Variants in ROS1 observed in about 807,000 individuals in gnomAD.
The protein encoded by ROS1 is proto-oncogene tyrosine-protein kinase ROS.
ROS1 carries 263 observed loss-of-function variants against 273.5 expected under a neutral mutation model. The observed-to-expected ratio is 0.96, with a 90% CI of 0.87 to 1.06. The LOEUF is 1.06. Ranked by LOEUF, ROS1 falls within the 50% of genes least tolerant of loss-of-function variation. The pLI is 0.00. For synonymous variants in ROS1, 1,008 were observed against 954.1 expected (o/e 1.06, Z -1.04); for missense variants, 2,833 against 2,751.1 (o/e 1.03, Z -0.67).
intron 27 of ROS1, among the ~76,000 whole-genome samples, chr6:117,346,679 C>A (rs1482423485): frequency 6.6e-6 from 1 of 152,014 alleles, no homozygotes; most frequent in Non-Finnish European, 1.5e-5. Context: ...ACATGCATAA[C>A]TTTCCCCCAT....
intron 7 of ROS1, among the ~76,000 whole-genome samples, chr6:117,398,970 TA>T (rs75429700): frequency 0.015 from 2,078 of 134,368 alleles, 25 homozygotes; most frequent in African/African-American, 0.036. Flanking sequence ...GACTCTGTCT[TA>T]AAAAAAAAAA....
At chr6:117,372,507 C>T (rs535019459) in intron 18 of ROS1, among the ~76,000 whole-genome samples, 1 of 152,234 alleles carries the variant, frequency 6.6e-6, no homozygotes, top group South Asian at 2.1e-4. Flanking sequence ...TCGTGGTGAG[C>T]GTTACAGTTC....
chr6:117,341,386 T>G lies in ROS1; in HGVS notation c.4884+14A>C. The G allele has an allele frequency of 3.1e-6, 5 of 1,611,766 alleles. No homozygotes were observed. The highest frequency in any genetic ancestry group is 4.2e-6 in the Non-Finnish European group (5 of 1,177,950). Reference sequence around the variant, plus strand: ...GAGAATGACAATAAAGAGTGCCTAGTAAACTCACTGTACCTTTAACACATA... The same window carrying G: ...GAGAATGACAATAAAGAGTGCCTAGGAAACTCACTGTACCTTTAACACATA... On this transcript the variant is annotated intron_variant, in intron 30 of 43. Coordinates refer to ENST00000368507, the MANE Select transcript of ROS1 (RefSeq NM_001378902.1).
chr6:117,341,526 A>G lies in ROS1; in HGVS notation c.4758T>C (p.Arg1586=), dbSNP rs1777924725. The change falls in exon 30 of 44, where the codon CGT becomes CGC. Residue 1586 remains arginine, a synonymous_variant. Coordinates refer to ENST00000368507, the MANE Select transcript of ROS1 (RefSeq NM_001378902.1). Reference sequence around the variant, plus strand: ...CCAGGTGTGAGATTGCCAACTGATAACGGACTGATTCTTTAGGTCCATTTG... The same window carrying G: ...CCAGGTGTGAGATTGCCAACTGATAGCGGACTGATTCTTTAGGTCCATTTG... ...HKPNGPKESV[R]YQLAISHLAL... 1.2e-6 allele frequency: 2 copies of G among 1,613,770 alleles called. No individual in the cohort carries two copies. Among genetic ancestry groups the G allele is most frequent in the East Asian group, 4.5e-5 (2 of 44,876 alleles).
chr6:117,396,244 T>G lies in ROS1; in HGVS notation c.827A>C (p.Asn276Thr), dbSNP rs780565452. The change falls in exon 9 of 44, where the codon AAT (asparagine) becomes ACT (threonine). Residue 276 changes from asparagine (N) to threonine (T), a missense_variant. Transcript: ENST00000368507. ...TGCTTCTGGACCCTCACCAACTTCA[T>G]TTACTGCTGCAATAGAAAACCTATT... ...TIYRFSIAAVNEVGEGPEAES... is the reference protein window; with the variant it reads ...TIYRFSIAAVTEVGEGPEAES... The G allele has an allele frequency of 7.3e-5, 118 of 1,613,440 alleles. 1 individual carries two copies. In the South Asian group the frequency reaches 1.2e-3, roughly 17 times the overall value.
chr6:117,308,771 A>C (rs1448163003), intron 42 of ROS1, 23 bp downstream of exon 42: 4 of 1,608,928 alleles, frequency 2.5e-6, no homozygotes, highest in Non-Finnish European at 3.4e-6. Context: ...TGGGGGATAC[A>C]TATGTTAACA....
At chr6:117,312,260 T>C (rs527281010) in intron 39 of ROS1, among the ~76,000 whole-genome samples, 23 of 152,246 alleles carry the variant, frequency 1.5e-4, no homozygotes, top group African/African-American at 5.5e-4. Context: ...GTATCTCAAA[T>C]GATTCCAAAC....
intron 27 of ROS1, among the ~76,000 whole-genome samples, chr6:117,346,441 C>T (rs536923812): frequency 6.6e-5 from 10 of 151,768 alleles, no homozygotes; most frequent in Non-Finnish European, 1.5e-4. Context: ...TAATCATACT[C>T]TTAATGAGTT....
chr6:117,369,097 A>G (rs1259343400), intron 18 of ROS1, among the ~76,000 whole-genome samples: 2 of 152,164 alleles, frequency 1.3e-5, no homozygotes, highest in Non-Finnish European at 2.9e-5. Flanking sequence ...TATGTTAGAA[A>G]ATACTTTCTC....
chr6:117,415,593 A>G (rs1160710004), intron 3 of ROS1, among the ~76,000 whole-genome samples: 1 of 152,218 alleles, frequency 6.6e-6, no homozygotes, highest in Non-Finnish European at 1.5e-5. Flanking sequence ...AAATGGATGA[A>G]GAATGTAAAG....
intron 31 of ROS1, among the ~76,000 whole-genome samples, chr6:117,338,851 T>C (rs981746732): frequency 2.6e-5 from 4 of 152,002 alleles, no homozygotes; most frequent in African/African-American, 7.2e-5. Flanking sequence ...AAGGCTACCA[T>C]AGAGGGATTT....
At position 117,414,487 on chromosome 6, in the gene ROS1, T is replaced by C. The variant is rs1462722176; in HGVS notation, c.255+32A>G. 1.2e-5 allele frequency: 9 copies of C among 743,830 alleles called. No homozygotes were observed. In the Admixed American group the frequency reaches 1.7e-4, roughly 14 times the overall value. The allele number at this position is 743,830 out of a possible 1,614,324, so 46.1% of individuals were successfully genotyped here. On this transcript the variant is annotated intron_variant, in intron 4 of 43. Transcript: ENST00000368507. The stretch of plus-strand genomic sequence containing the variant: ...AGACCAGAGATGAAGACATGTGGCT[T>C]GATTACATCTTTTTTGTGATTGCCA...
intron 33 of ROS1, 78 bp downstream of exon 33, chr6:117,329,251 A>G (rs1451578798): frequency 1.4e-6 from 1 of 715,616 alleles, no homozygotes; most frequent in Non-Finnish European, 2.4e-6. Context: ...CATTTGCATA[A>G]ATAGTGTTAC....
intron 42 of ROS1, among the ~76,000 whole-genome samples, chr6:117,302,875 C>G (rs2128539728): frequency 6.6e-6 from 1 of 152,298 alleles, no homozygotes; most frequent in African/African-American, 2.4e-5. Context: ...TGGTACCCAT[C>G]TCTTCTAATT....
At position 117,384,365 on chromosome 6, in the gene ROS1, A is replaced by G. The variant is rs1490486215; in HGVS notation, c.2290-857T>C. 3.9e-5 allele frequency among the ~76,000 whole-genome samples: 6 copies of G among 152,168 alleles called. No individual in the cohort carries two copies. The East Asian group carries it at 9.6e-4, about 24-fold the overall frequency. ...TGTACATCAATGGACACACTAAAAA[A>G]TCTCTGAATTCTACACAATAAAAGA... On this transcript the variant is annotated intron_variant, in intron 16 of 43. Coordinates refer to ENST00000368507, the MANE Select transcript of ROS1 (RefSeq NM_001378902.1).
intron 7 of ROS1, among the ~76,000 whole-genome samples, chr6:117,398,888 G>A (rs904445625): frequency 4.0e-5 from 6 of 150,938 alleles, no homozygotes; most frequent in Non-Finnish European, 7.4e-5. Flanking sequence ...CAGGAGAATC[G>A]ATTGAACCCA....
In ROS1 at chr6:117,394,194, A is replaced by G. The variant is rs369960949; in HGVS notation, c.1159T>C (p.Tyr387His). The change falls in exon 11 of 44, where the codon TAT becomes CAT. Residue 387 changes from tyrosine to histidine, a missense_variant. Tyr to His is a moderately conservative substitution (Grantham distance 83, BLOSUM62 2). Transcript: ENST00000368507. The stretch of plus-strand genomic sequence containing the variant: ...TCCATGATGAAATACATTCTTTGAT[A>G]AAGCCAATCTATGGAGATAGAAGAA... ...LISSISIDWL[Y>H]QRMYFIMDEL... 3.1e-6 allele frequency: 5 copies of G among 1,596,576 alleles called. No individual in the cohort carries two copies. In the African/African-American group the frequency reaches 5.4e-5, roughly 17 times the overall value.
chr6:117,402,741 T>C (rs1774048305), intron 7 of ROS1, among the ~76,000 whole-genome samples: 1 of 151,562 alleles, frequency 6.6e-6, no homozygotes, highest in African/African-American at 2.4e-5. Context: ...TACAAAAAAT[T>C]AGCCAGGCAT....
At chr6:117,313,017 G>A (rs752299892) in intron 39 of ROS1, among the ~76,000 whole-genome samples, 1 of 151,998 alleles carries the variant, frequency 6.6e-6, no homozygotes, top group Non-Finnish European at 1.5e-5. Context: ...GCACTCTAAT[G>A]AGTCCACCTA....
Sources: allele counts gnomAD v4.1 joint callset (sites outside exome capture counted in the v4.1 genomes callset), GRCh38; gene constraint gnomAD v4.1.1; transcripts MANE v1.5; gene names NCBI Gene and HGNC (gene_info 2026-07-23, HGNC 2026-07-21).